HMGB1: variants seen among roughly 807,000 people sequenced by gnomAD.
The protein encoded by HMGB1 is high mobility group protein B1.
For missense variants in HMGB1, 79 were observed against 253.5 expected (o/e 0.31, Z 4.67); for synonymous variants, 81 against 84.0 (o/e 0.96, Z 0.19).
intron 1 of HMGB1, among the ~76,000 whole-genome samples, chr13:30,588,962 G>T (rs1871266106): frequency 6.6e-6 from 1 of 150,900 alleles, no homozygotes; most frequent in African/African-American, 2.4e-5. Flanking sequence ...GTTTTCTGAT[G>T]ATATATATGG....
chr13:30,500,564 CAG>C (rs1367968381), intron 1 of HMGB1, among the ~76,000 whole-genome samples: 4 of 140,852 alleles, frequency 2.8e-5, no homozygotes, highest in Non-Finnish European at 6.0e-5. Flanking sequence ...TTTTTTGAGA[CAG>C]AGTCTCATTC....
intron 1 of HMGB1, among the ~76,000 whole-genome samples, chr13:30,570,473 A>T (rs1870378615): frequency 6.6e-6 from 1 of 152,198 alleles, no homozygotes; most frequent in Non-Finnish European, 1.5e-5. Context: ...CATCTTTATG[A>T]TCGCTTAGCT....
At chr13:30,598,478 C>T (rs2137560797) in intron 1 of HMGB1, among the ~76,000 whole-genome samples, 2 of 152,344 alleles carry the variant, frequency 1.3e-5, no homozygotes, top group South Asian at 4.1e-4. Context: ...AATGTTAAGG[C>T]CTTCTCTCCC....
At chr13:30,578,966 G>C (rs923969973) in intron 1 of HMGB1, among the ~76,000 whole-genome samples, 1 of 152,170 alleles carries the variant, frequency 6.6e-6, no homozygotes, top group Non-Finnish European at 1.5e-5. Flanking sequence ...TCAGCTGCTT[G>C]CTCCTGTTTC....
chr13:30,553,807 A>G (rs1869546797), intron 1 of HMGB1: 1 of 1,375,534 alleles, frequency 7.3e-7, no homozygotes. Flanking sequence ...AGAAATCGAA[A>G]TAGATACAGA....
chr13:30,570,683 A>G (rs1870389723), intron 1 of HMGB1, among the ~76,000 whole-genome samples: 1 of 152,220 alleles, frequency 6.6e-6, no homozygotes, highest in Non-Finnish European at 1.5e-5. Context: ...AACAATGAGA[A>G]TAAAAGCGTA....
chr13:30,585,347 C>T (rs1438782882), intron 1 of HMGB1, among the ~76,000 whole-genome samples: 3 of 151,026 alleles, frequency 2.0e-5, no homozygotes, highest in East Asian at 1.9e-4. Flanking sequence ...ACAAAACAAA[C>T]AAACAAAAAA....
intron 1 of HMGB1, among the ~76,000 whole-genome samples, chr13:30,532,702 T>C (rs963552584): frequency 1.3e-5 from 2 of 151,962 alleles, no homozygotes; most frequent in Non-Finnish European, 2.9e-5. Context: ...AGAGATGGGG[T>C]TTCGCCATGT....
At chr13:30,604,349 T>C (rs114479260) in intron 1 of HMGB1, among the ~76,000 whole-genome samples, 2,882 of 152,194 alleles carry the variant, frequency 0.019, 92 homozygotes, top group African/African-American at 0.066. Flanking sequence ...GCAGAAACAA[T>C]AGGAGGGTAA....
At chr13:30,523,829 CTCCCAGACTCAAGCAATCT>C (rs1310839531) in intron 1 of HMGB1, among the ~76,000 whole-genome samples, 2 of 151,548 alleles carry the variant, frequency 1.3e-5, no homozygotes, top group Admixed American at 1.3e-4. Context: ...CAACCCCAAT[CTCCCAGACTCAAGCAATCT>C]TCCTGCTTCA....
chr13:30,491,392 C>T (rs533088509), intron 1 of HMGB1, among the ~76,000 whole-genome samples: 4 of 152,114 alleles, frequency 2.6e-5, no homozygotes, highest in Non-Finnish European at 5.9e-5. Context: ...GAAAAAGAAA[C>T]AAACCTTGAG....
At position 30,531,932 on chromosome 13, in the gene HMGB1, A is replaced by C. The variant is rs145282990; in HGVS notation, c.-14-68238T>G. Among the ~76,000 whole-genome samples, 1,108 of 151,782 alleles carry C rather than the reference A, an allele frequency of 7.3e-3. 11 individuals carry two copies. The highest frequency in any genetic ancestry group is 0.021 in the African/African-American group (890 of 41,434). On this transcript the variant is annotated intron_variant, in intron 1 of 4. Transcript: ENST00000405805. ...TAAATAATAAATAAAATAAATAATA[A>C]ATAAAACATTTTACAAAACAGAAAT...
At chr13:30,542,192 C>A (rs1003607436) in intron 1 of HMGB1, 19 of 174,414 alleles carry the variant, frequency 1.1e-4, no homozygotes, top group African/African-American at 4.0e-4. Flanking sequence ...CCTCAGGGTG[C>A]CTTTTGCCTC....
chr13:30,606,493 T>C (rs1049275933), intron 1 of HMGB1, among the ~76,000 whole-genome samples: 2 of 152,178 alleles, frequency 1.3e-5, no homozygotes, highest in Admixed American at 6.5e-5. Context: ...CATATTACAT[T>C]TGGAAAGCAA....
At position 30,538,707 on chromosome 13, in the gene HMGB1, C is replaced by T. The variant is rs71427291; in HGVS notation, c.-14-75013G>A. On this transcript the variant is annotated intron_variant, in intron 1 of 4. Coordinates refer to the HMGB1 transcript ENST00000405805. ...TTCCTTTCTTTCTTTCTTTCTTTTTCTTTCTTTCTTCTTTTTCTTTCTTTT... is the reference window on the plus strand; with the variant it reads ...TTCCTTTCTTTCTTTCTTTCTTTTTTTTTCTTTCTTCTTTTTCTTTCTTTT... Among the ~76,000 whole-genome samples the T allele has an allele frequency of 4.4e-3, 211 of 48,060 alleles. 3 individuals are homozygous for T. Among genetic ancestry groups the T allele is most frequent in the African/African-American group, 0.01 (116 of 11,516 alleles). The allele number at this position is 48,060 out of a possible 152,430, so 31.5% of individuals were successfully genotyped here.
intron 1 of HMGB1, chr13:30,554,679 A>G (rs1303777712): frequency 2.6e-6 from 2 of 771,292 alleles, no homozygotes; most frequent in East Asian, 2.4e-5. Flanking sequence ...GCAAGATACA[A>G]TGGAAGAGAA....
chr13:30,527,510 T>C (rs373702629), intron 1 of HMGB1, among the ~76,000 whole-genome samples: 9 of 152,090 alleles, frequency 5.9e-5, no homozygotes, highest in African/African-American at 2.2e-4. Context: ...TGATTGCCTG[T>C]GTCTATGCCA....
chr13:30,596,244 G>T (rs1871605225), intron 1 of HMGB1, among the ~76,000 whole-genome samples: 1 of 152,070 alleles, frequency 6.6e-6, no homozygotes, highest in African/African-American at 2.4e-5. Context: ...TATAAAGAAA[G>T]ACTTACAAAG....
intron 1 of HMGB1, among the ~76,000 whole-genome samples, chr13:30,567,564 C>T (rs1870239411): frequency 6.6e-6 from 1 of 152,042 alleles, no homozygotes; most frequent in Non-Finnish European, 1.5e-5. Context: ...GTTGGCCGGG[C>T]TAGTCTTAAA....
Sources: gnomAD v4.1 joint callset for allele counts (sites outside exome capture counted in the v4.1 genomes callset) on GRCh38, gnomAD v4.1.1 for gene constraint, MANE v1.5 for transcripts, NCBI Gene and HGNC (gene_info 2026-07-23, HGNC 2026-07-21) for gene names.